The following PIK3R3 variants were observed in gnomAD, a reference collection of about 807,000 sequenced individuals.
PIK3R3 encodes the protein phosphoinositide-3-kinase regulatory subunit 3, also known as phosphatidylinositol 3-kinase regulatory subunit gamma.
In PIK3R3, 64 loss-of-function variants were observed where a neutral mutation model predicts 62.9. The ratio of observed to expected loss-of-function variants is 1.02; its 90% confidence interval spans 0.83 to 1.25. The LOEUF is 1.25. Ranked by LOEUF, PIK3R3 falls within the 50% of genes most tolerant of loss-of-function variation. The pLI, the probability that PIK3R3 is intolerant of heterozygous loss-of-function variation, is 0.00. For missense variants in PIK3R3, 614 were observed against 561.6 expected, an observed-to-expected ratio of 1.09 and a Z score of -0.94; for synonymous variants, 165 against 189.0, an observed-to-expected ratio of 0.87 and a Z score of 1.04.
the PIK3R3 span, among the ~76,000 whole-genome samples, chr1:46,142,097 G>A: frequency 3.3e-5 from 5 of 152,116 alleles, no homozygotes; most frequent in Non-Finnish European, 5.9e-5. Flanking sequence ...TCAAAAGCCT[G>A]TAAACCTGTA....
At chr1:46,133,214 A>G (rs1655779968), upstream of PIK3R3, among the ~76,000 whole-genome samples, 1 of 152,248 alleles carries the variant, frequency 6.6e-6, no homozygotes, top group East Asian at 1.9e-4. Context: ...AAAGAGGAGG[A>G]AAAAAAAGAA....
rs1647043402 is a variant in PIK3R3 at position 46,043,839 on chromosome 1, T to C, written c.1220A>G (p.Tyr407Cys). ...ADGEVKHCVI[Y>C]STARGYGFAE... ...AAAGCCATAGCCCCGAGCAGTGCTG[T>C]AGATCACACAGTGCTTCACTTCCCC... The change falls in exon 10 of 10, where the codon TAC becomes TGC. Residue 407 changes from tyrosine (Y) to cysteine (C), a missense_variant. Coordinates refer to ENST00000262741, the MANE Select transcript of PIK3R3 (RefSeq NM_003629.4). The C allele has an allele frequency of 1.9e-6, 3 of 1,613,930 alleles. No individual in the cohort carries two copies. The highest frequency in any genetic ancestry group is 1.7e-5 in the Admixed American group (1 of 59,984).
At chr1:46,127,531 C>A (rs901077776) in intron 1 of PIK3R3, among the ~76,000 whole-genome samples, 1 of 152,120 alleles carries the variant, frequency 6.6e-6, no homozygotes, top group African/African-American at 2.4e-5. Context: ...AGACCACTAG[C>A]TACAACCTTT....
At position 46,077,573 on chromosome 1, in the gene PIK3R3, T is replaced by A. The variant is rs1557586273; in HGVS notation, c.256A>T (p.Thr86Ser). The A allele has an allele frequency of 6.2e-7, 1 of 1,612,592 alleles. No homozygotes were observed. Among genetic ancestry groups the A allele is most frequent in the South Asian group, 1.1e-5 (1 of 91,068 alleles). The change falls in exon 3 of 10, where the codon ACC becomes TCC. Residue 86 changes from threonine (T) to serine (S), a missense_variant. Physicochemically the swap from Thr to Ser is moderately conservative, Grantham distance 58. Transcript: ENST00000262741. ...GTTGAGGCATCTCGGACCAAGAAGG[T>A]CCCATCTGGCATATCCCGCAATTTG... ...NDKLRDMPDGTFLVRDASTKM... is the reference protein window; with the variant it reads ...NDKLRDMPDGSFLVRDASTKM...
Position 46,131,855 on chromosome 1 carries a change from T to A in PIK3R3, c.98A>T (p.Asp33Val). 4 of 1,612,144 alleles carry A rather than the reference T, an allele frequency of 2.5e-6. No homozygotes were observed. Among genetic ancestry groups the A allele is most frequent in the Non-Finnish European group, 3.4e-6 (4 of 1,178,698 alleles). ...TTTTTTCTCCCAAGTACCTGGAGGATCCATTTCAATATAAAATATCAGTTC... is the reference window on the plus strand; with the variant it reads ...TTTTTTCTCCCAAGTACCTGGAGGAACCATTTCAATATAAAATATCAGTTC... Reference protein sequence around the residue: ...STELIFYIEMDPPALPPKPPK... With the variant: ...STELIFYIEMVPPALPPKPPK... The change falls in exon 1 of 10, where the codon GAT (aspartate) becomes GTT (valine). Residue 33 changes from aspartate (D) to valine (V), a missense_variant. Asp to Val is a radical substitution (Grantham distance 152). Coordinates refer to ENST00000262741, the MANE Select transcript of PIK3R3 (RefSeq NM_003629.4).
intron 3 of PIK3R3, among the ~76,000 whole-genome samples, chr1:46,073,113 G>C (rs180731301): frequency 1.5e-3 from 225 of 152,194 alleles, no homozygotes; most frequent in Admixed American, 2.4e-3. Context: ...GGTGGGAAGG[G>C]AGAAGAAAAT....
At chr1:46,052,019 T>TC (rs1647400068) in intron 7 of PIK3R3, among the ~76,000 whole-genome samples, 1 of 152,010 alleles carries the variant, frequency 6.6e-6, no homozygotes, top group African/African-American at 2.4e-5. Flanking sequence ...GCGCCTGTAG[T>TC]CCCAGCTACT....
intron 3 of PIK3R3, among the ~76,000 whole-genome samples, chr1:46,072,107 C>T (rs1649593461): frequency 6.6e-6 from 1 of 152,136 alleles, no homozygotes; most frequent in Non-Finnish European, 1.5e-5. Context: ...CAGTTTTCTA[C>T]ATTCTCTTAA....
intron 1 of PIK3R3, among the ~76,000 whole-genome samples, chr1:46,083,170 TA>T (rs1400297605): frequency 1.3e-5 from 2 of 152,230 alleles, no homozygotes; most frequent in African/African-American, 4.8e-5. Flanking sequence ...ATATTCTTTT[TA>T]ACAAATTGTT....
intron 1 of PIK3R3, among the ~76,000 whole-genome samples, chr1:46,084,991 T>C (rs1333818368): frequency 6.6e-6 from 1 of 152,160 alleles, no homozygotes; most frequent in Admixed American, 6.5e-5. Flanking sequence ...TATATTGAGA[T>C]GAGTTGAGCT....
intron 1 of PIK3R3, among the ~76,000 whole-genome samples, chr1:46,086,627 G>A (rs1363023477): frequency 6.6e-6 from 1 of 152,122 alleles, no homozygotes; most frequent in Non-Finnish European, 1.5e-5. Flanking sequence ...TTGACCCCGG[G>A]AGGCAGAGGT....
At chr1:46,096,002 T>C (rs560022187) in intron 1 of PIK3R3, among the ~76,000 whole-genome samples, 9 of 152,334 alleles carry the variant, frequency 5.9e-5, no homozygotes, top group Admixed American at 2.6e-4. Flanking sequence ...CAGGATGGTA[T>C]TGAACTCCCA....
intron 3 of PIK3R3, among the ~76,000 whole-genome samples, chr1:46,069,356 C>T (rs1649287436): frequency 6.6e-6 from 1 of 151,966 alleles, no homozygotes; most frequent in Admixed American, 6.6e-5. Flanking sequence ...CCCGTCTCTA[C>T]TAAAATACAA....
chr1:46,151,578 G>A, the PIK3R3 span, among the ~76,000 whole-genome samples: 3 of 152,080 alleles, frequency 2.0e-5, no homozygotes, highest in Admixed American at 6.6e-5. Context: ...CCCCATTTCT[G>A]CAAATAATAA....
the PIK3R3 span, among the ~76,000 whole-genome samples, chr1:46,159,762 C>T: frequency 6.6e-6 from 1 of 152,036 alleles, no homozygotes. Flanking sequence ...CACACACACA[C>T]ACACAGAAAA....
chr1:46,095,602 T>C (rs918391320), intron 1 of PIK3R3, among the ~76,000 whole-genome samples: 4 of 152,174 alleles, frequency 2.6e-5, no homozygotes, highest in Admixed American at 6.5e-5. Flanking sequence ...CAAATCACCA[T>C]GGCACATGTT....
chr1:46,112,635 C>G (rs1408368422), intron 1 of PIK3R3, among the ~76,000 whole-genome samples: 3 of 152,156 alleles, frequency 2.0e-5, no homozygotes, highest in Non-Finnish European at 4.4e-5. Flanking sequence ...CTAAAAATTA[C>G]TTTAGCAACT....
upstream of PIK3R3, among the ~76,000 whole-genome samples, chr1:46,133,466 GTCC>G (rs909826740): frequency 4.3e-4 from 66 of 152,314 alleles, no homozygotes; most frequent in African/African-American, 1.5e-3. Flanking sequence ...CGCTCTTCTG[GTCC>G]TTAGGAGGTC....
At position 46,121,375 on chromosome 1, in the gene PIK3R3, T is replaced by C. The variant is rs145937990; in HGVS notation, c.106+10472A>G. ...TCTATGGAAAAAAAAGCTTAATACATATGTAAGAACAGAATCTAAAGCAAT... is the reference window on the plus strand; with the variant it reads ...TCTATGGAAAAAAAAGCTTAATACACATGTAAGAACAGAATCTAAAGCAAT... On this transcript the variant is annotated intron_variant, in intron 1 of 9. Coordinates refer to ENST00000262741, the MANE Select transcript of PIK3R3 (RefSeq NM_003629.4). 1.1e-4 allele frequency among the ~76,000 whole-genome samples: 17 copies of C among 152,274 alleles called. No homozygotes were observed. The East Asian group carries it at 3.3e-3, about 29-fold the overall frequency.
Sources: allele counts gnomAD v4.1 joint callset (sites outside exome capture counted in the v4.1 genomes callset), GRCh38; gene constraint gnomAD v4.1.1; transcripts MANE v1.5; gene names NCBI Gene and HGNC (gene_info 2026-07-23, HGNC 2026-07-21).